PLXNA2: variants seen among roughly 807,000 people sequenced by gnomAD.
PLXNA2 encodes the protein plexin-A2.
Under a neutral mutation model 193.5 loss-of-function variants are expected in PLXNA2, and 91 were observed. The observed-to-expected ratio is 0.47, with a 90% CI of 0.40 to 0.56. PLXNA2 has a LOEUF of 0.56. Ranked by LOEUF, PLXNA2 falls within the 20% of genes least tolerant of loss-of-function variation. The probability of loss-of-function intolerance (pLI) is 0.00; values close to 1 mark genes in which losing one functional copy is unlikely to be tolerated. For synonymous variants in PLXNA2, 997 were observed against 1,027.3 expected (o/e 0.97, Z 0.56); for missense variants, 1,995 against 2,503.2 (o/e 0.80, Z 4.33).
intron 2 of PLXNA2, among the ~76,000 whole-genome samples, chr1:208,210,826 T>C (rs1027986570): frequency 7.9e-5 from 12 of 152,218 alleles, no homozygotes; most frequent in African/African-American, 2.9e-4. Context: ...TCTTTCTATT[T>C]CAGACAAGAG....
intron 3 of PLXNA2, among the ~76,000 whole-genome samples, chr1:208,189,229 G>A (rs1670101084): frequency 6.6e-6 from 1 of 152,214 alleles, no homozygotes; most frequent in African/African-American, 2.4e-5. Context: ...GTGAATCTCT[G>A]CTAAGTTAGG....
chr1:208,196,710 C>T (rs1249869), intron 3 of PLXNA2, among the ~76,000 whole-genome samples: 147,900 of 152,292 alleles, frequency 0.97, 71,956 homozygotes, highest in Middle Eastern at 1. Context: ...ACCCTTGTAG[C>T]GGGTGGGGAG....
chr1:208,099,364 C>T lies in PLXNA2; in HGVS notation c.1608-395G>A, dbSNP rs1289267717. ...GCCTGAGCATAGGGGCTCAAAGGCC[C>T]TGTTATAGAATTTTGGGGGAGTTTA... is the stretch of plus-strand genomic sequence containing the variant. On this transcript the variant is annotated intron_variant, in intron 5 of 31. Transcript: ENST00000367033. 2.0e-5 allele frequency among the ~76,000 whole-genome samples: 3 copies of T among 152,260 alleles called. No homozygotes were observed. In the East Asian group the frequency reaches 5.8e-4, roughly 29 times the overall value.
intron 1 of PLXNA2, among the ~76,000 whole-genome samples, chr1:208,229,624 C>G (rs992566173): frequency 6.6e-6 from 1 of 152,150 alleles, no homozygotes; most frequent in Non-Finnish European, 1.5e-5. Context: ...CTTGAACCCA[C>G]TGGGTGAGGC....
At chr1:208,166,678 T>C (rs1413666187) in intron 3 of PLXNA2, among the ~76,000 whole-genome samples, 2 of 152,184 alleles carry the variant, frequency 1.3e-5, no homozygotes, top group African/African-American at 2.4e-5. Context: ...TCAACAAATG[T>C]ACAAAGTTTA....
intron 3 of PLXNA2, among the ~76,000 whole-genome samples, chr1:208,145,998 G>A (rs1558215100): frequency 6.6e-6 from 1 of 152,276 alleles, no homozygotes; most frequent in East Asian, 1.9e-4. Flanking sequence ...CCCCAAGATG[G>A]AGTCACCTTT....
intron 3 of PLXNA2, among the ~76,000 whole-genome samples, chr1:208,155,405 G>T (rs1165405752): frequency 6.6e-6 from 1 of 152,130 alleles, no homozygotes; most frequent in Admixed American, 6.5e-5. Context: ...CTTAAAAAGT[G>T]CTGAAAGGAG....
At chr1:208,132,146 T>C (rs953562834) in intron 4 of PLXNA2, among the ~76,000 whole-genome samples, 5 of 152,246 alleles carry the variant, frequency 3.3e-5, no homozygotes, top group Admixed American at 6.5e-5. Flanking sequence ...TTCCCCTGAC[T>C]GTCCATGTAG....
chr1:208,041,656 T>A (rs994437022), intron 22 of PLXNA2, among the ~76,000 whole-genome samples: 1 of 152,204 alleles, frequency 6.6e-6, no homozygotes, highest in Non-Finnish European at 1.5e-5. Context: ...TACATTCTAT[T>A]TCATTTTAAT....
At chr1:208,212,351 A>C (rs1263223463) in intron 2 of PLXNA2, among the ~76,000 whole-genome samples, 1 of 151,996 alleles carries the variant, frequency 6.6e-6, no homozygotes, top group African/African-American at 2.4e-5. Context: ...TTGTGGTTCC[A>C]CAGTGTTTTG....
At chr1:208,057,310 T>G (rs1426618526) in intron 13 of PLXNA2, among the ~76,000 whole-genome samples, 2 of 152,216 alleles carry the variant, frequency 1.3e-5, no homozygotes, top group African/African-American at 4.8e-5. Context: ...GAGCCCTGAT[T>G]CAAATCCAGG....
At chr1:208,201,503 G>C (rs1670553911) in intron 3 of PLXNA2, among the ~76,000 whole-genome samples, 1 of 152,166 alleles carries the variant, frequency 6.6e-6, no homozygotes, top group South Asian at 2.1e-4. Flanking sequence ...TCAGGGCTGG[G>C]AGTAGGGGAC....
At chr1:208,162,442 G>A (rs1571984186) in intron 3 of PLXNA2, among the ~76,000 whole-genome samples, 2 of 152,212 alleles carry the variant, frequency 1.3e-5, no homozygotes, top group South Asian at 4.1e-4. Context: ...TTGGGCCTCA[G>A]TTGACTGATA....
intron 9 of PLXNA2, among the ~76,000 whole-genome samples, chr1:208,092,284 A>AT (rs1482886354): frequency 6.6e-6 from 1 of 152,164 alleles, no homozygotes; most frequent in Non-Finnish European, 1.5e-5. Flanking sequence ...TCACTAGCTG[A>AT]TTTTTTCTCA....
chr1:208,044,469 A>G lies in PLXNA2; in HGVS notation c.3874+39T>C, dbSNP rs751432695. On this transcript the variant is annotated intron_variant, in intron 20 of 31. Transcript: ENST00000367033. The surrounding 1 kb of genome is among the most constrained non-coding windows in gnomAD (Gnocchi z 4.9). ...GAGAAGGGCAATAAGGCAGGTGGAG[A>G]AAGAGGGACCCAGCAAATGAGGGTG... The G allele has an allele frequency of 6.9e-7, 1 of 1,445,176 alleles. No homozygotes were observed. The highest frequency in any genetic ancestry group is 1.4e-5 in the African/African-American group (1 of 71,730). The allele number at this position is 1,445,176 out of a possible 1,614,324, so 89.5% of individuals were successfully genotyped here. A position where few individuals can be genotyped will look rare whatever the true frequency, so the allele number is the denominator to read the frequency against.
At chr1:208,218,031 C>A (rs1671201347) in intron 1 of PLXNA2, 29 bp from the exon 2 acceptor site, 14 of 1,534,766 alleles carry the variant, frequency 9.1e-6, no homozygotes, top group East Asian at 2.4e-5. Flanking sequence ...AGTGGTCAGA[C>A]CAAAAATAAT....
chr1:208,130,717 C>T (rs1280015476), intron 4 of PLXNA2, among the ~76,000 whole-genome samples: 1 of 152,174 alleles, frequency 6.6e-6, no homozygotes, highest in Admixed American at 6.5e-5. Flanking sequence ...CGGCCACTCT[C>T]CCATCACCCC....
intron 4 of PLXNA2, among the ~76,000 whole-genome samples, chr1:208,138,049 A>G (rs1668354840): frequency 6.6e-6 from 1 of 152,034 alleles, no homozygotes; most frequent in African/African-American, 2.4e-5. Context: ...ATGATGAAAA[A>G]CCCATTCCCA....
At chr1:208,107,682 CG>C (rs1667316014) in intron 4 of PLXNA2, among the ~76,000 whole-genome samples, 1 of 152,114 alleles carries the variant, frequency 6.6e-6, no homozygotes, top group Non-Finnish European at 1.5e-5. Flanking sequence ...CAGAGTTTAA[CG>C]GGACACTCTA....
Sources: gnomAD v4.1 joint callset for allele counts (sites outside exome capture counted in the v4.1 genomes callset) on GRCh38, gnomAD v4.1.1 for gene constraint, Gnocchi (gnomAD v3.1) non-coding constraint, MANE v1.5 for transcripts, NCBI Gene and HGNC (gene_info 2026-07-23, HGNC 2026-07-21) for gene names.